The following COL23A1 variants were observed in gnomAD, a reference collection of about 807,000 sequenced individuals.
The protein encoded by COL23A1 is collagen type XXIII alpha 1 chain.
Under a neutral mutation model 99.3 loss-of-function variants are expected in COL23A1, and 97 were observed. The observed-to-expected ratio is 0.98, with a 90% CI of 0.83 to 1.16. The LOEUF (loss-of-function observed/expected upper bound fraction) is 1.16. COL23A1 is among the 50% of genes most tolerant of loss of function. The probability of loss-of-function intolerance (pLI) is 0.00; values close to 1 mark genes in which losing one functional copy is unlikely to be tolerated. For missense variants in COL23A1, 762 were observed against 757.4 expected (o/e 1.01, Z -0.07); for synonymous variants, 320 against 308.2 (o/e 1.04, Z -0.40).
At chr5:178,563,018 C>G (rs193081299) in intron 1 of COL23A1, among the ~76,000 whole-genome samples, 2 of 152,328 alleles carry the variant, frequency 1.3e-5, no homozygotes, top group East Asian at 3.9e-4. Flanking sequence ...TCCAAGTCCC[C>G]ACTGCACCCA....
chr5:178,250,253 T>C (rs1362360664), intron 17 of COL23A1, 148 bp from the exon 18 acceptor site: 2 of 771,798 alleles, frequency 2.6e-6, no homozygotes, highest in Admixed American at 2.1e-5. Flanking sequence ...CCGCCTCCTC[T>C]GTTTCCTCAG....
chr5:178,490,163 T>C (rs1757850059), intron 2 of COL23A1, among the ~76,000 whole-genome samples: 1 of 150,150 alleles, frequency 6.7e-6, no homozygotes, highest in Non-Finnish European at 1.5e-5. Flanking sequence ...GAGGCAGAGG[T>C]TGCAGTAAGC....
intron 2 of COL23A1, among the ~76,000 whole-genome samples, chr5:178,386,647 C>T (rs1438434848): frequency 6.6e-6 from 1 of 152,056 alleles, no homozygotes; most frequent in Non-Finnish European, 1.5e-5. Context: ...TGAACTCCCC[C>T]GCCCCCACAG....
chr5:178,249,133 C>T lies in COL23A1; in HGVS notation c.1133G>A (p.Gly378Asp). The change falls in exon 19 of 29, where the codon GGC becomes GAC. Residue 378 changes from glycine to aspartate, a missense_variant. Gly to Asp is a moderately conservative substitution (Grantham distance 94, BLOSUM62 -1). Transcript: ENST00000390654. ...GCCACATACCGGGAGGCCGGACAAG[C>T]CCATCTCGCCTGCTTCCCCTTTGAG... ...AGLKGEAGEM[G>D]LSGLPGADGL... is the part of the protein sequence containing the mutation. 1 of 1,614,196 alleles carries T rather than the reference C, an allele frequency of 6.2e-7. No individual in the cohort carries two copies. The highest frequency in any genetic ancestry group is 8.5e-7 in the Non-Finnish European group (1 of 1,180,024).
intron 11 of COL23A1, 44 bp downstream of exon 11, chr5:178,261,677 TC>T (rs766964044): frequency 1.8e-5 from 26 of 1,455,494 alleles, no homozygotes; most frequent in Non-Finnish European, 2.4e-5. Flanking sequence ...GGGGAGTCCA[TC>T]CCACCAGATC....
chr5:178,382,085 G>C (rs189896245), intron 2 of COL23A1, among the ~76,000 whole-genome samples: 1 of 149,554 alleles, frequency 6.7e-6, no homozygotes, highest in Non-Finnish European at 1.5e-5. Context: ...TTCTCAGTCC[G>C]CACTGGAATC....
Position 178,290,376 on chromosome 5 carries a change from AAC to A in COL23A1, c.407-9_407-8del, listed in dbSNP as rs756710716. ...AGGACACTTACTGGAGGACCTGCAA[AAC>A]ACAAGCAGAGAAGCCACAGTCAGTG... On this transcript the variant is annotated splice_polypyrimidine_tract_variant and splice_region_variant and intron_variant, in intron 3 of 28. Coordinates refer to ENST00000390654, the MANE Select transcript of COL23A1 (RefSeq NM_173465.4). 6.2e-7 allele frequency: 1 copy of A among 1,614,070 alleles called. No homozygotes were observed. The highest frequency in any genetic ancestry group is 8.5e-7 in the Non-Finnish European group (1 of 1,180,016).
At chr5:178,345,635 G>A (rs2127669408) in intron 2 of COL23A1, among the ~76,000 whole-genome samples, 1 of 151,362 alleles carries the variant, frequency 6.6e-6, no homozygotes, top group East Asian at 1.9e-4. Context: ...TCCTGCCTCA[G>A]CCTCCCGAGT....
intron 1 of COL23A1, among the ~76,000 whole-genome samples, chr5:178,567,225 GT>G (rs532629188): frequency 7.7e-4 from 117 of 152,332 alleles, no homozygotes; most frequent in Non-Finnish European, 1.4e-3. Flanking sequence ...TCTACAAACA[GT>G]CATACCCTAG....
chr5:178,338,913 C>T (rs557922527), intron 2 of COL23A1, among the ~76,000 whole-genome samples: 1 of 152,318 alleles, frequency 6.6e-6, no homozygotes, highest in Non-Finnish European at 1.5e-5. Context: ...AGGCCAGAGA[C>T]AGGCTGAGGC....
At chr5:178,361,572 C>G (rs1008777206) in intron 2 of COL23A1, among the ~76,000 whole-genome samples, 1 of 152,066 alleles carries the variant, frequency 6.6e-6, no homozygotes, top group African/African-American at 2.4e-5. Flanking sequence ...CAACCCCTGG[C>G]CCCCTGGCCT....
chr5:178,267,604 C>T (rs1228026180), intron 7 of COL23A1, among the ~76,000 whole-genome samples: 1 of 152,152 alleles, frequency 6.6e-6, no homozygotes, highest in Non-Finnish European at 1.5e-5. Flanking sequence ...CCATTCGAGG[C>T]CCCAGACATT....
At chr5:178,531,959 G>T (rs1581579748) in intron 2 of COL23A1, among the ~76,000 whole-genome samples, 1 of 152,220 alleles carries the variant, frequency 6.6e-6, no homozygotes, top group African/African-American at 2.4e-5. Flanking sequence ...TCCTCAGAAG[G>T]GTGAGACATG....
chr5:178,529,360 G>A (rs920008886), intron 2 of COL23A1, among the ~76,000 whole-genome samples: 13 of 152,108 alleles, frequency 8.5e-5, no homozygotes, highest in Non-Finnish European at 1.5e-4. Context: ...TGCACGTGGC[G>A]TGAAGCCCAG....
At chr5:178,576,248 T>G (rs1763350288) in intron 1 of COL23A1, among the ~76,000 whole-genome samples, 1 of 151,888 alleles carries the variant, frequency 6.6e-6, no homozygotes, top group Admixed American at 6.6e-5. Flanking sequence ...TCATTATCCT[T>G]TTTTTTTAGA....
At position 178,313,317 on chromosome 5, in the gene COL23A1, G is replaced by A. The variant is rs1340985377; in HGVS notation, c.362-6398C>T. Among the ~76,000 whole-genome samples, 2 of 152,214 alleles carry A rather than the reference G, an allele frequency of 1.3e-5. No homozygotes were observed. Among genetic ancestry groups the A allele is most frequent in the East Asian group, 3.9e-4 (2 of 5,192 alleles). ...TGTGAACATACTGAATGCCACTCAA[G>A]TGTACACTTAAGGATGGTTAAGACG... On this transcript the variant is annotated intron_variant, in intron 2 of 28. Coordinates refer to ENST00000390654, the MANE Select transcript of COL23A1 (RefSeq NM_173465.4). The surrounding 1 kb of genome is among the most constrained non-coding windows in gnomAD (Gnocchi z 4.2).
intron 2 of COL23A1, among the ~76,000 whole-genome samples, chr5:178,490,890 C>CATGT (rs1214409319): frequency 6.7e-6 from 1 of 149,268 alleles, no homozygotes; most frequent in Non-Finnish European, 1.5e-5. Flanking sequence ...AATTTTACTG[C>CATGT]ATGTAAATTA....
chr5:178,245,886 G>A (rs1764666008), intron 25 of COL23A1, 56 bp downstream of exon 25: 6 of 1,592,230 alleles, frequency 3.8e-6, no homozygotes, highest in Non-Finnish European at 5.2e-6. Flanking sequence ...CTGCATGAGG[G>A]CAGAAGATAC....
rs116953683 is a variant in COL23A1 at position 178,469,473 on chromosome 5, G to A, written c.361+91209C>T. Among the ~76,000 whole-genome samples, 62 of 152,198 alleles carry A rather than the reference G, an allele frequency of 4.1e-4. No homozygotes were observed. In the East Asian group the frequency reaches 0.011, roughly 28 times the overall value. On this transcript the variant is annotated intron_variant, in intron 2 of 28. Coordinates refer to ENST00000390654, the MANE Select transcript of COL23A1 (RefSeq NM_173465.4). ...GCTCCATCACACACACATGCTGAAG[G>A]CTGAAACTCCAATTCTGCAGGTGCA...
Sources: allele counts gnomAD v4.1 joint callset (sites outside exome capture counted in the v4.1 genomes callset), GRCh38; gene constraint gnomAD v4.1.1; non-coding constraint Gnocchi (gnomAD v3.1); transcripts MANE v1.5; gene names NCBI Gene and HGNC (gene_info 2026-07-23, HGNC 2026-07-21).